Variants in LAMA2 observed in about 807,000 individuals in gnomAD.
LAMA2 encodes the protein laminin subunit alpha-2.
In LAMA2, 269 loss-of-function variants were observed where a neutral mutation model predicts 364.8. The ratio of observed to expected loss-of-function variants is 0.74; its 90% confidence interval spans 0.67 to 0.82. The LOEUF is 0.82. Among genes scored for constraint, LAMA2 ranks in the 40% least tolerant of loss-of-function variants. The pLI is 0.00. For missense variants in LAMA2, 3,807 were observed against 3,873.2 expected (o/e 0.98, Z 0.45); for synonymous variants, 1,379 against 1,370.6 (o/e 1.01, Z -0.14).
rs756622196 is a variant in LAMA2, at chr6:129,473,194, ACTTT to A, written c.7301-13_7301-10del. On this transcript the variant is annotated splice_polypyrimidine_tract_variant and intron_variant, in intron 51 of 64. Transcript: ENST00000421865. Reference sequence around the variant, plus strand: ...TGATATTGCTCAAATAAAATGTTAAACTTTCTTTCTCCTTTACAGCCAATATATC... The same window carrying A: ...TGATATTGCTCAAATAAAATGTTAAACTTTCTCCTTTACAGCCAATATATC... The A allele has an allele frequency of 1.7e-5, 27 of 1,561,578 alleles. No individual in the cohort carries two copies. The highest frequency in any genetic ancestry group is 2.0e-5 in the Non-Finnish European group (23 of 1,134,036).
chr6:128,959,516 C>CAA (rs1317915320), intron 1 of LAMA2, among the ~76,000 whole-genome samples: 5 of 152,140 alleles, frequency 3.3e-5, no homozygotes, highest in Non-Finnish European at 7.3e-5. Context: ...AGGGTCTTTA[C>CAA]ATCCCTTGAG....
Position 129,314,649 on chromosome 6 carries a change from C to G in LAMA2, c.3412-6C>G. The G allele has an allele frequency of 1.2e-6, 2 of 1,613,304 alleles. No individual in the cohort carries two copies. On this transcript the variant is annotated splice_region_variant and splice_polypyrimidine_tract_variant and intron_variant, in intron 23 of 64. Coordinates refer to ENST00000421865, the MANE Select transcript of LAMA2 (RefSeq NM_000426.4). ...TAAACTCTGAGGGTCTCTTGTCTTT[C>G]CTCAGGTGAATGTGGAAGGCATCCA... is the stretch of plus-strand genomic sequence containing the variant.
intron 8 of LAMA2, among the ~76,000 whole-genome samples, chr6:129,155,556 A>C (rs1779063385): frequency 6.6e-6 from 1 of 152,078 alleles, no homozygotes; most frequent in Non-Finnish European, 1.5e-5. Context: ...TAAAAACCAA[A>C]ATTTTAACTT....
intron 12 of LAMA2, among the ~76,000 whole-genome samples, chr6:129,225,297 C>A (rs1199531575): frequency 6.6e-6 from 1 of 152,078 alleles, no homozygotes; most frequent in Non-Finnish European, 1.5e-5. Flanking sequence ...CCTGGATTCA[C>A]TGATTTGTTG....
At chr6:129,120,027 TA>T (rs1776713468) in intron 4 of LAMA2, among the ~76,000 whole-genome samples, 1 of 152,228 alleles carries the variant, frequency 6.6e-6, no homozygotes, top group Non-Finnish European at 1.5e-5. Context: ...CTAGCACGTG[TA>T]TACTAATGCG....
At chr6:129,027,746 C>T (rs1785930694) in intron 1 of LAMA2, among the ~76,000 whole-genome samples, 1 of 151,354 alleles carries the variant, frequency 6.6e-6, no homozygotes, top group Non-Finnish European at 1.5e-5. Flanking sequence ...TGAACACTAC[C>T]CAGGGGAGGT....
chr6:128,897,124 G>A (rs985212560), intron 1 of LAMA2, among the ~76,000 whole-genome samples: 4 of 152,192 alleles, frequency 2.6e-5, no homozygotes, highest in Non-Finnish European at 5.9e-5. Context: ...CTACTTTGTG[G>A]CCCATTCACC....
chr6:129,140,810 A>C (rs1778080627), intron 4 of LAMA2, among the ~76,000 whole-genome samples: 1 of 152,104 alleles, frequency 6.6e-6, no homozygotes, highest in African/African-American at 2.4e-5. Flanking sequence ...CTTGTTTTAT[A>C]TCCCAGAAAC....
At chr6:129,248,122 G>A (rs950323855) in intron 12 of LAMA2, among the ~76,000 whole-genome samples, 2 of 152,156 alleles carry the variant, frequency 1.3e-5, no homozygotes, top group African/African-American at 4.8e-5. Context: ...TCTCACAGGA[G>A]CAGGAACCTT....
intron 53 of LAMA2, among the ~76,000 whole-genome samples, chr6:129,475,705 C>T (rs1262134565): frequency 6.6e-6 from 1 of 152,040 alleles, no homozygotes; most frequent in African/African-American, 2.4e-5. Context: ...AGCACACACT[C>T]AAAAGGCAGC....
chr6:129,479,181 C>T (rs970438552), intron 54 of LAMA2, among the ~76,000 whole-genome samples: 6 of 152,070 alleles, frequency 3.9e-5, no homozygotes, highest in Admixed American at 6.6e-5. Context: ...AGCAACCTTA[C>T]ATTTTTTCTG....
chr6:129,414,701 T>C (rs997079159), intron 40 of LAMA2, among the ~76,000 whole-genome samples: 1 of 152,140 alleles, frequency 6.6e-6, no homozygotes, highest in African/African-American at 2.4e-5. Context: ...AGCAAGAAGT[T>C]CTAAATTTCT....
intron 4 of LAMA2, among the ~76,000 whole-genome samples, chr6:129,122,336 T>C (rs1776847720): frequency 6.6e-6 from 1 of 152,202 alleles, no homozygotes; most frequent in African/African-American, 2.4e-5. Context: ...TAGACATTTT[T>C]GTTTACTCTG....
intron 1 of LAMA2, among the ~76,000 whole-genome samples, chr6:129,004,607 A>C (rs560255396): frequency 6.6e-6 from 1 of 152,256 alleles, no homozygotes; most frequent in South Asian, 2.1e-4. Context: ...CCTTCTCAGT[A>C]AACACACGTT....
chr6:129,513,380 AC>A (rs1468584989), intron 63 of LAMA2, among the ~76,000 whole-genome samples: 4 of 152,196 alleles, frequency 2.6e-5, no homozygotes, highest in Non-Finnish European at 5.9e-5. Flanking sequence ...ACATACTTTT[AC>A]TACATCTTTT....
intron 1 of LAMA2, among the ~76,000 whole-genome samples, chr6:128,965,021 G>A (rs1002789183): frequency 6.6e-6 from 1 of 151,952 alleles, no homozygotes; most frequent in African/African-American, 2.4e-5. Context: ...TGTAAGAGGA[G>A]TCCCCTCATG....
intron 10 of LAMA2, among the ~76,000 whole-genome samples, chr6:129,184,187 T>G (rs1241208192): frequency 6.6e-6 from 1 of 151,922 alleles, no homozygotes; most frequent in African/African-American, 2.4e-5. Context: ...TGGTTTTGGA[T>G]TTCCCTCTTC....
At chr6:129,158,520 G>A (rs1779259692) in intron 8 of LAMA2, 2 of 1,614,038 alleles carry the variant, frequency 1.2e-6, no homozygotes, top group East Asian at 4.5e-5. Flanking sequence ...TTTTCCAACT[G>A]GAATAAATGC....
chr6:129,080,487 G>A (rs1773973122), intron 3 of LAMA2, among the ~76,000 whole-genome samples: 1 of 152,140 alleles, frequency 6.6e-6, no homozygotes, highest in Admixed American at 6.6e-5. Flanking sequence ...ATGTATGGAT[G>A]TAACCTGAAA....
Sources: allele counts gnomAD v4.1 joint callset (sites outside exome capture counted in the v4.1 genomes callset), GRCh38; gene constraint gnomAD v4.1.1; transcripts MANE v1.5; gene names NCBI Gene and HGNC (gene_info 2026-07-23, HGNC 2026-07-21).